The following NEDD9 variants were observed in gnomAD, a reference collection of about 807,000 sequenced individuals.
NEDD9 encodes the protein enhancer of filamentation 1.
In NEDD9, 26 loss-of-function variants were observed where a neutral mutation model predicts 76.6. The observed-to-expected ratio is 0.34, with a 90% CI of 0.25 to 0.47. The LOEUF is 0.47. Among genes scored for constraint, NEDD9 ranks in the 20% least tolerant of loss-of-function variants. The probability of loss-of-function intolerance (pLI) is 1.00; values close to 1 mark genes in which losing one functional copy is unlikely to be tolerated. For synonymous variants in NEDD9, 392 were observed against 414.2 expected (o/e 0.95, Z 0.65); for missense variants, 937 against 1,058.5 (o/e 0.89, Z 1.59).
At position 11,192,469 on chromosome 6, in the gene NEDD9, C is replaced by T. The variant is rs201549237; in HGVS notation, c.562-23G>A. 23 of 1,554,378 alleles carry T rather than the reference C, an allele frequency of 1.5e-5. No individual in the cohort carries two copies. The East Asian group carries it at 5.2e-4, about 35-fold the overall frequency. On this transcript the variant is annotated intron_variant, in intron 3 of 6. Coordinates refer to ENST00000379446, the MANE Select transcript of NEDD9 (RefSeq NM_006403.4). ...TACCTGAAGAGAAACCCGTGAGTTA[C>T]CCAGAATGGAAATGTCTTATACTTG...
intron 3 of NEDD9, among the ~76,000 whole-genome samples, chr6:11,246,909 T>A (rs941822338): frequency 6.6e-6 from 1 of 152,106 alleles, no homozygotes; most frequent in East Asian, 1.9e-4. Flanking sequence ...ATGAACGACA[T>A]GTGACTGTTC....
chr6:11,207,527 T>C (rs1039078821), intron 2 of NEDD9: 1 of 152,196 alleles, frequency 6.6e-6, no homozygotes, highest in African/African-American at 2.4e-5. Flanking sequence ...CCGTGACCCA[T>C]TTTGGAAGGT....
chr6:11,307,580 C>G (rs1280738952), intron 2 of NEDD9, among the ~76,000 whole-genome samples: 1 of 152,062 alleles, frequency 6.6e-6, no homozygotes, highest in Non-Finnish European at 1.5e-5. Context: ...TATAAGACAA[C>G]CTCTCAGAGC....
Position 11,185,582 on chromosome 6 carries a change from G to C in NEDD9, c.2085C>G (p.Thr695=). The C allele has an allele frequency of 6.2e-7, 1 of 1,614,234 alleles. No homozygotes were observed. The highest frequency in any genetic ancestry group is 8.5e-7 in the Non-Finnish European group (1 of 1,180,040). The change falls in exon 7 of 7, where the codon ACC becomes ACG. Residue 695 remains threonine, a synonymous_variant. Coordinates refer to ENST00000379446, the MANE Select transcript of NEDD9 (RefSeq NM_006403.4). ...SKWKPSQSLP[T]TNSGVSAQDR... The stretch of plus-strand genomic sequence containing the variant: ...CCTGAGCACTCACGCCACTGTTTGT[G>C]GTGGGTAGGCTCTGAGAGGGCTTCC...
intron 1 of NEDD9, among the ~76,000 whole-genome samples, chr6:11,224,972 A>G (rs116725549): frequency 0.02 from 3,036 of 152,290 alleles, 92 homozygotes; most frequent in African/African-American, 0.069. Flanking sequence ...AACATGAATG[A>G]CATATACTAT....
At chr6:11,341,043 C>T (rs1470045190) in intron 1 of NEDD9, among the ~76,000 whole-genome samples, 1 of 152,160 alleles carries the variant, frequency 6.6e-6, no homozygotes, top group African/African-American at 2.4e-5. Flanking sequence ...ATTGACGTCC[C>T]CCTGTTTGAA....
chr6:11,263,985 A>G (rs536626020), intron 3 of NEDD9, among the ~76,000 whole-genome samples: 14 of 152,266 alleles, frequency 9.2e-5, no homozygotes, highest in Admixed American at 7.8e-4. Context: ...ACACGGGCAT[A>G]TTCCTTAATT....
intron 1 of NEDD9, among the ~76,000 whole-genome samples, chr6:11,376,024 C>T (rs1410339600): frequency 3.9e-5 from 6 of 152,174 alleles, no homozygotes; most frequent in African/African-American, 1.4e-4. Context: ...CGGGCTTTCA[C>T]TGTGTTAGCC....
chr6:11,322,484 G>C (rs1761830587), intron 2 of NEDD9, among the ~76,000 whole-genome samples: 1 of 152,190 alleles, frequency 6.6e-6, no homozygotes, highest in Non-Finnish European at 1.5e-5. Flanking sequence ...TGGGTGTGGA[G>C]TTTTGGACAC....
intron 3 of NEDD9, among the ~76,000 whole-genome samples, chr6:11,255,284 C>T (rs999170891): frequency 6.6e-6 from 1 of 152,166 alleles, no homozygotes; most frequent in Non-Finnish European, 1.5e-5. Flanking sequence ...TCTGTTCCAC[C>T]CCAGAAGGGG....
chr6:11,294,113 T>C (rs976954379), intron 3 of NEDD9, among the ~76,000 whole-genome samples: 6 of 152,200 alleles, frequency 3.9e-5, no homozygotes, highest in Non-Finnish European at 7.3e-5. Flanking sequence ...ATCCTGGCTA[T>C]TGTGAATAAT....
rs150921247 is a variant in NEDD9, at chr6:11,288,477, A to T, written c.12+17515T>A. On this transcript the variant is annotated intron_variant, in intron 3 of 3. Coordinates refer to the NEDD9 transcript ENST00000397378. The stretch of plus-strand genomic sequence containing the variant: ...GTTGCTTGGTGTCCACAGGATCAGA[A>T]CAAGTGCTCTTAATGGATCTTAGAA... Among the ~76,000 whole-genome samples, 10 of 152,380 alleles carry T rather than the reference A, an allele frequency of 6.6e-5. No homozygotes were observed. The East Asian group carries it at 1.7e-3, about 26-fold the overall frequency.
intron 3 of NEDD9, chr6:11,249,063 T>C (rs1759863037): frequency 6.6e-6 from 3 of 452,302 alleles, no homozygotes; most frequent in Admixed American, 2.4e-5. Flanking sequence ...TCAACGTGAC[T>C]GGGCTGCAAT....
At chr6:11,249,933 G>A (rs1297662141) in intron 3 of NEDD9, among the ~76,000 whole-genome samples, 2 of 152,140 alleles carry the variant, frequency 1.3e-5, no homozygotes, top group Admixed American at 1.3e-4. Flanking sequence ...CATGGTCAAG[G>A]GGCCCAGAGA....
chr6:11,366,270 AGAAGGAAG>A (rs753253031), intron 1 of NEDD9, among the ~76,000 whole-genome samples: 7 of 132,520 alleles, frequency 5.3e-5, no homozygotes, highest in Non-Finnish European at 7.7e-5. Context: ...AGTCTGAGAA[AGAAGGAAG>A]GAAGGAAGGA....
At chr6:11,296,980 C>T (rs140369609) in intron 3 of NEDD9, among the ~76,000 whole-genome samples, 9 of 152,184 alleles carry the variant, frequency 5.9e-5, no homozygotes, top group Non-Finnish European at 8.8e-5. Context: ...CCACCCACCT[C>T]GGCCTCCCAA....
At chr6:11,294,742 A>T (rs1465775422) in intron 3 of NEDD9, among the ~76,000 whole-genome samples, 1 of 152,194 alleles carries the variant, frequency 6.6e-6, no homozygotes, top group Non-Finnish European at 1.5e-5. Context: ...GTTTTTGATG[A>T]TAGCCAACTG....
chr6:11,315,753 G>C (rs1008158296), intron 2 of NEDD9, among the ~76,000 whole-genome samples: 1 of 152,094 alleles, frequency 6.6e-6, no homozygotes, highest in African/African-American at 2.4e-5. Flanking sequence ...GTTGTAAATG[G>C]GCAAGACTCA....
chr6:11,293,465 T>TC (rs763020062), intron 3 of NEDD9, among the ~76,000 whole-genome samples: 2 of 151,920 alleles, frequency 1.3e-5, no homozygotes, highest in South Asian at 2.1e-4. Context: ...TTGTTTTCTA[T>TC]CCCCCCCTCT....
Sources: gnomAD v4.1 joint callset for allele counts (sites outside exome capture counted in the v4.1 genomes callset) on GRCh38, gnomAD v4.1.1 for gene constraint, MANE v1.5 for transcripts, NCBI Gene and HGNC (gene_info 2026-07-23, HGNC 2026-07-21) for gene names.